SNX31: variants seen among roughly 807,000 people sequenced by gnomAD.
SNX31 encodes the protein sorting nexin-31.
Under a neutral mutation model 65.4 loss-of-function variants are expected in SNX31, and 58 were observed. The observed-to-expected ratio is 0.89, with a 90% CI of 0.72 to 1.10. The LOEUF (loss-of-function observed/expected upper bound fraction) is 1.10, where lower values mean the gene tolerates loss of function less well. Among genes scored for constraint, SNX31 ranks in the 50% least tolerant of loss-of-function variants. The pLI, the probability that SNX31 is intolerant of heterozygous loss-of-function variation, is 0.00. For missense variants in SNX31, 523 were observed against 529.7 expected, an observed-to-expected ratio of 0.99 and a Z score of 0.12; for synonymous variants, 181 against 190.1, an observed-to-expected ratio of 0.95 and a Z score of 0.39.
At chr8:100,633,781 A>G (rs1480627259) in intron 3 of SNX31, among the ~76,000 whole-genome samples, 1 of 152,218 alleles carries the variant, frequency 6.6e-6, no homozygotes. Flanking sequence ...AAAAAGAATG[A>G]TAAGACAAAT....
At chr8:100,634,178 C>G (rs534204171) in intron 3 of SNX31, among the ~76,000 whole-genome samples, 14 of 152,184 alleles carry the variant, frequency 9.2e-5, no homozygotes, top group Non-Finnish European at 1.8e-4. Context: ...AACAGTTTTG[C>G]TGTACACAGC....
At chr8:100,602,607 T>C (rs1323741734) in intron 8 of SNX31, among the ~76,000 whole-genome samples, 1 of 152,176 alleles carries the variant, frequency 6.6e-6, no homozygotes, top group Non-Finnish European at 1.5e-5. Context: ...AGTATAACAA[T>C]ATGCCAGCAT....
At chr8:100,581,112 A>G (rs1813458100) in intron 12 of SNX31, among the ~76,000 whole-genome samples, 1 of 148,382 alleles carries the variant, frequency 6.7e-6, no homozygotes, top group South Asian at 2.1e-4. Context: ...CCTGGAAAAC[A>G]CAGGGAGACC....
chr8:100,640,361 G>T (rs1418783186), intron 2 of SNX31, among the ~76,000 whole-genome samples: 1 of 152,138 alleles, frequency 6.6e-6, no homozygotes, highest in Non-Finnish European at 1.5e-5. Flanking sequence ...CCTGACCTCA[G>T]GTGATCCACC....
chr8:100,652,928 A>G (rs1819999868), upstream of SNX31, among the ~76,000 whole-genome samples: 1 of 152,126 alleles, frequency 6.6e-6, no homozygotes, highest in African/African-American at 2.4e-5. Context: ...TCACCCCAAC[A>G]GTCAAGGCTG....
At chr8:100,621,102 C>G (rs1817651988) in intron 4 of SNX31, among the ~76,000 whole-genome samples, 1 of 152,138 alleles carries the variant, frequency 6.6e-6, no homozygotes, top group South Asian at 2.1e-4. Context: ...TGAGATTGCA[C>G]CACTGCACTC....
At position 100,649,233 on chromosome 8, in the gene SNX31, G is replaced by A. The variant is rs199939912; in HGVS notation, c.141+41C>T. The A allele has an allele frequency of 3.6e-5, 58 of 1,593,928 alleles. 1 individual carries two copies. Among genetic ancestry groups the A allele is most frequent in the Admixed American group, 6.7e-5 (4 of 59,806 alleles). ...GCTTTGGGGACAGCTTTCTCCACCT[G>A]TCTCAGTGGATGGGCTCGTACCCGC... On this transcript the variant is annotated intron_variant, in intron 2 of 13. Coordinates refer to ENST00000311812, the MANE Select transcript of SNX31 (RefSeq NM_152628.4).
In SNX31 at chr8:100,573,493, ACATAAAAGACTT is replaced by A. The variant is rs1812788584; in HGVS notation, c.*360_*371del. ...ACTTTCATTTATGTAAATTCAAAAC[ACATAAAAGACTT>A]CATGAAGCCATATAAAGATCTATTT... is the stretch of plus-strand genomic sequence containing the variant. On this transcript the variant is annotated 3_prime_UTR_variant, in exon 14 of 14. Coordinates refer to ENST00000311812, the MANE Select transcript of SNX31 (RefSeq NM_152628.4). 1.3e-5 allele frequency: 2 copies of A among 157,364 alleles called. No homozygotes were observed. The highest frequency in any genetic ancestry group is 4.1e-4 in the South Asian group (2 of 4,874). The allele number at this position is 157,364 out of a possible 1,614,324, so 9.7% of individuals were successfully genotyped here.
chr8:100,573,823 T>A lies in SNX31; in HGVS notation c.*42A>T, dbSNP rs1812806175. On this transcript the variant is annotated 3_prime_UTR_variant, in exon 14 of 14. Coordinates refer to ENST00000311812, the MANE Select transcript of SNX31 (RefSeq NM_152628.4). ...GAATCCCCAAGTTCTTTCACTGTCT[T>A]GAGATAGCCTCCAAGGATATTTTAA... The A allele has an allele frequency of 5.8e-6, 8 of 1,389,070 alleles. No individual in the cohort carries two copies. Among genetic ancestry groups the A allele is most frequent in the Non-Finnish European group, 7.0e-6 (7 of 1,005,616 alleles). 86.0% of individuals were successfully genotyped at this position (1,389,070 alleles called of 1,614,324 possible). A position where few individuals can be genotyped will look rare whatever the true frequency, so the allele number is the denominator to read the frequency against.
Position 100,595,561 on chromosome 8 carries a change from T to A in SNX31, c.978+1078A>T, listed in dbSNP as rs569771550. 2.3e-3 allele frequency among the ~76,000 whole-genome samples: 343 copies of A among 152,228 alleles called. 1 individual carries two copies. Among genetic ancestry groups the A allele is most frequent in the South Asian group, 8.3e-3 (40 of 4,828 alleles). On this transcript the variant is annotated intron_variant, in intron 10 of 13. Transcript: ENST00000311812. The stretch of plus-strand genomic sequence containing the variant: ...TTTTGAGGGACAGCAAAGTATAGAA[T>A]GGATAGGCCTCCATTAGCACTTAAA...
chr8:100,661,484 C>G (rs141519967), intron 1 of SNX31, among the ~76,000 whole-genome samples: 8 of 152,022 alleles, frequency 5.3e-5, no homozygotes, highest in Non-Finnish European at 1.2e-4. Context: ...ATTCAGGTAG[C>G]GAACACCTGA....
rs76136334 is a variant in SNX31 at position 100,598,293 on chromosome 8, A to G, written c.775-1451T>C. ...ATCAGAAAGGACAGGTTGTAAGTAC[A>G]TGGTACTTGCGCAGTGATTGGGGGC... On this transcript the variant is annotated intron_variant, in intron 9 of 13. Transcript: ENST00000311812. Among the ~76,000 whole-genome samples, 871 of 152,310 alleles carry G rather than the reference A, an allele frequency of 5.7e-3. 14 individuals carry two copies. Among genetic ancestry groups the G allele is most frequent in the African/African-American group, 0.019 (807 of 41,566 alleles).
In SNX31 at chr8:100,600,430, G is replaced by A. The variant is rs1054060293; in HGVS notation, c.693C>T (p.Asp231=). ...VDLLYMQAIQ[D]IEKGWAKPTQ... is the part of the protein sequence containing the mutation. ...TGGGTTTGGCCCATCCTTTTTCAAT[G>A]TCCTGTATTGCCTTAAAATAACATA... Residue 231 remains aspartate, a synonymous_variant, in exon 9 of 14, where the codon GAC becomes GAT. Coordinates refer to ENST00000311812, the MANE Select transcript of SNX31 (RefSeq NM_152628.4). 9.3e-6 allele frequency: 15 copies of A among 1,611,356 alleles called. No individual in the cohort carries two copies. The highest frequency in any genetic ancestry group is 9.3e-6 in the Non-Finnish European group (11 of 1,179,144).
At chr8:100,634,288 A>G (rs1818599285) in intron 3 of SNX31, among the ~76,000 whole-genome samples, 1 of 152,168 alleles carries the variant, frequency 6.6e-6, no homozygotes, top group Non-Finnish European at 1.5e-5. Flanking sequence ...CCTGGTAAGG[A>G]CTAACATGAA....
intron 2 of SNX31, among the ~76,000 whole-genome samples, chr8:100,638,744 C>T (rs1377063926): frequency 1.3e-5 from 2 of 152,200 alleles, no homozygotes; most frequent in Non-Finnish European, 2.9e-5. Context: ...GAAAACTGTC[C>T]ATACAAAATG....
rs1200517869 is a variant in SNX31, at chr8:100,594,605, A to G, written c.978+2034T>C. Among the ~76,000 whole-genome samples the G allele has an allele frequency of 6.6e-6, 1 of 152,258 alleles. No homozygotes were observed. Among genetic ancestry groups the G allele is most frequent in the African/African-American group, 2.4e-5 (1 of 41,476 alleles). On this transcript the variant is annotated intron_variant, in intron 10 of 13. Transcript: ENST00000311812. The surrounding 1 kb of genome is among the most constrained non-coding windows in gnomAD (Gnocchi z 4.0). Reference sequence around the variant, plus strand: ...AAGTCACAATGAAATATCTTTACACATATATTAGAATGACTACAATAAAAA... The same window carrying G: ...AAGTCACAATGAAATATCTTTACACGTATATTAGAATGACTACAATAAAAA...
intron 10 of SNX31, among the ~76,000 whole-genome samples, chr8:100,595,493 A>G (rs759339380): frequency 6.6e-6 from 1 of 152,084 alleles, no homozygotes; most frequent in Non-Finnish European, 1.5e-5. Flanking sequence ...ATTAGTTTGT[A>G]GAGATGGGAT....
chr8:100,643,126 G>A (rs1819380194), intron 2 of SNX31, among the ~76,000 whole-genome samples: 1 of 151,892 alleles, frequency 6.6e-6, no homozygotes, highest in African/African-American at 2.4e-5. Flanking sequence ...GGGGGGGGTG[G>A]AGGTTGCAGT....
chr8:100,647,995 A>G (rs1255662307), intron 2 of SNX31, among the ~76,000 whole-genome samples: 1 of 152,254 alleles, frequency 6.6e-6, no homozygotes, highest in Non-Finnish European at 1.5e-5. Flanking sequence ...CTACTGGGTC[A>G]CAGCACTAGT....
Sources: allele counts gnomAD v4.1 joint callset (sites outside exome capture counted in the v4.1 genomes callset), GRCh38; gene constraint gnomAD v4.1.1; non-coding constraint Gnocchi (gnomAD v3.1); transcripts MANE v1.5; gene names NCBI Gene and HGNC (gene_info 2026-07-23, HGNC 2026-07-21).